Variants in COL5A3 observed in about 807,000 individuals in gnomAD.
COL5A3 encodes the protein collagen type V alpha 3 chain.
In COL5A3, 172 loss-of-function variants were observed where a neutral mutation model predicts 250.0. The ratio of observed to expected loss-of-function variants is 0.69; its 90% CI spans 0.61 to 0.78. The LOEUF is 0.78. COL5A3 is among the 30% of genes least tolerant of loss of function. The pLI is 0.00. For synonymous variants in COL5A3, 937 were observed against 900.4 expected (o/e 1.04, Z -0.73); for missense variants, 2,340 against 2,334.4 (o/e 1.00, Z -0.05).
intron 61 of COL5A3, 143 bp from the exon 62 acceptor site, chr19:9,967,543 TCA>T (rs901806977): frequency 9.9e-5 from 62 of 629,172 alleles, no homozygotes; most frequent in South Asian, 2.4e-4. Flanking sequence ...ACTCACACAC[TCA>T]CACACACACA....
intron 64 of COL5A3, among the ~76,000 whole-genome samples, chr19:9,964,458 C>T (rs2086710802): frequency 1.3e-5 from 2 of 151,864 alleles, no homozygotes; most frequent in Admixed American, 1.3e-4. Flanking sequence ...AAAAATTAGC[C>T]AGGCATGGTG....
At chr19:10,000,134 A>G (rs2087338248) in intron 8 of COL5A3, among the ~76,000 whole-genome samples, 1 of 151,840 alleles carries the variant, frequency 6.6e-6, no homozygotes, top group South Asian at 2.1e-4. Context: ...ATTTGTACTG[A>G]CTTAAGATGG....
intron 64 of COL5A3, 52 bp from the exon 65 acceptor site, chr19:9,962,939 G>T: frequency 7.5e-7 from 1 of 1,330,498 alleles, no homozygotes; most frequent in East Asian, 2.3e-5. Flanking sequence ...GTGCCATCTA[G>T]ATCTCATCTG....
chr19:9,969,976 G>A (rs916182583), intron 54 of COL5A3, 54 bp from the exon 55 acceptor site: 42 of 1,496,584 alleles, frequency 2.8e-5, no homozygotes, highest in Non-Finnish European at 3.7e-5. Flanking sequence ...GGGTCAGAGG[G>A]GTGAGTGGGG....
At chr19:10,004,274 G>T in intron 4 of COL5A3, 129 bp from the exon 5 acceptor site, 1 of 665,862 alleles carries the variant, frequency 1.5e-6, no homozygotes. Context: ...CCCAGAGCAT[G>T]CTAAGTATAA....
chr19:9,974,275 T>C (rs760291501), intron 46 of COL5A3, 26 bp downstream of exon 46: 1 of 1,610,506 alleles, frequency 6.2e-7, no homozygotes, highest in Non-Finnish European at 8.5e-7. Flanking sequence ...GAATCAGAAG[T>C]GCCACCCCCA....
chr19:9,975,389 G>A (rs1376663414), intron 45 of COL5A3, among the ~76,000 whole-genome samples: 4 of 152,032 alleles, frequency 2.6e-5, no homozygotes, highest in Non-Finnish European at 5.9e-5. Context: ...TGGAGATAAG[G>A]TTTGAGTAGA....
At chr19:9,989,651 TC>T in intron 24 of COL5A3, 129 bp from the exon 25 acceptor site, 1 of 835,152 alleles carries the variant, frequency 1.2e-6, no homozygotes, top group Non-Finnish European at 1.8e-6. Flanking sequence ...AGGAAATCTA[TC>T]CCAGCTCTGC....
intron 19 of COL5A3, 114 bp from the exon 20 acceptor site, chr19:9,993,181 G>C: frequency 2.4e-6 from 3 of 1,231,176 alleles, no homozygotes; most frequent in Non-Finnish European, 3.5e-6. Flanking sequence ...GGATCCCTGG[G>C]AACCTGCAGA....
intron 53 of COL5A3, 144 bp from the exon 54 acceptor site, chr19:9,970,819 C>T (rs2086834553): frequency 2.9e-6 from 3 of 1,019,466 alleles, no homozygotes; most frequent in East Asian, 6.1e-5. Flanking sequence ...CTCCCTCAAG[C>T]TGCTCACATT....
intron 31 of COL5A3, among the ~76,000 whole-genome samples, chr19:9,982,441 C>T (rs930974073): frequency 1.3e-5 from 2 of 152,208 alleles, no homozygotes; most frequent in Admixed American, 1.3e-4. Context: ...CTACCACCAT[C>T]CTGGCTTCCA....
chr19:9,998,261 G>A, intron 8 of COL5A3, 112 bp from the exon 9 acceptor site: 9 of 1,041,222 alleles, frequency 8.6e-6, no homozygotes, highest in Non-Finnish European at 2.8e-6. Context: ...CACACACGGA[G>A]TCCACCCTCA....
intron 51 of COL5A3, among the ~76,000 whole-genome samples, chr19:9,972,653 T>G (rs2086869020): frequency 1.3e-5 from 2 of 151,664 alleles, no homozygotes; most frequent in Non-Finnish European, 2.9e-5. Flanking sequence ...CTGGCCAACA[T>G]AGTGAACACC....
chr19:10,002,996 C>T (rs1220889275), intron 6 of COL5A3, among the ~76,000 whole-genome samples: 1 of 152,138 alleles, frequency 6.6e-6, no homozygotes, highest in Non-Finnish European at 1.5e-5. Flanking sequence ...TATCCATGAC[C>T]TTCCACTGTG....
intron 3 of COL5A3, 21 bp downstream of exon 3, chr19:10,005,775 G>T: frequency 6.2e-7 from 1 of 1,601,376 alleles, no homozygotes; most frequent in Non-Finnish European, 8.5e-7. Flanking sequence ...ACGGACCCCC[G>T]CCCACTCTCC....
chr19:9,993,128 C>T lies in COL5A3; in HGVS notation c.1750-61G>A, dbSNP rs1049066696. 39 of 1,553,744 alleles carry T rather than the reference C, an allele frequency of 2.5e-5. 1 individual carries two copies. Among genetic ancestry groups the T allele is most frequent in the Admixed American group, 7.0e-5 (4 of 57,210 alleles). On this transcript the variant is annotated intron_variant, in intron 19 of 66. Transcript: ENST00000264828. ...TACAACCCTCGGAGAGCCACCTCCC[C>T]TCATCTGGGCAGCCCCTTCCAGGGG...
chr19:9,961,785 C>A (rs2086677156), intron 65 of COL5A3, among the ~76,000 whole-genome samples: 1 of 152,074 alleles, frequency 6.6e-6, no homozygotes, highest in South Asian at 2.1e-4. Context: ...GTCTCGATCT[C>A]CTGACCTCGT....
intron 6 of COL5A3, among the ~76,000 whole-genome samples, chr19:10,002,206 G>T (rs964828276): frequency 4.0e-5 from 6 of 150,042 alleles, no homozygotes; most frequent in African/African-American, 1.2e-4. Flanking sequence ...CGGCCAGCAG[G>T]CCACAGTCAG....
Position 9,986,588 on chromosome 19 carries a change from C to T in COL5A3, c.2209G>A (p.Gly737Ser). ...TTGAGCCCCACATCGCCCTTGAAGC[C>T]TGGGAAGCCGTCCTCTCCCTGGGTG... ...KGEKGEDGFP[G>S]FKGDVGLKGD... is the part of the protein sequence containing the mutation. The change falls in exon 29 of 67, where the codon GGC (glycine) becomes AGC (serine). Residue 737 changes from glycine (G) to serine (S), a missense_variant. Coordinates refer to ENST00000264828, the MANE Select transcript of COL5A3 (RefSeq NM_015719.4). The T allele has an allele frequency of 1.2e-6, 2 of 1,613,962 alleles. No homozygotes were observed. Among genetic ancestry groups the T allele is most frequent in the Non-Finnish European group, 1.7e-6 (2 of 1,179,998 alleles).
Sources: allele counts gnomAD v4.1 joint callset (sites outside exome capture counted in the v4.1 genomes callset), GRCh38; gene constraint gnomAD v4.1.1; transcripts MANE v1.5; gene names NCBI Gene and HGNC (gene_info 2026-07-23, HGNC 2026-07-21).